SLC38A6: variants seen among roughly 807,000 people sequenced by gnomAD.
SLC38A6 encodes solute carrier family 38 member 6.
In SLC38A6, 73 loss-of-function variants were observed where a neutral mutation model predicts 65.0. The observed-to-expected ratio is 1.12, with a 90% CI of 0.93 to 1.37. SLC38A6 has a LOEUF of 1.37. Ranked by LOEUF, SLC38A6 falls within the 40% of genes most tolerant of loss-of-function variation. SLC38A6 has a pLI of 0.00. For missense variants in SLC38A6, 561 were observed against 531.1 expected (o/e 1.06, Z -0.55); for synonymous variants, 183 against 178.8 (o/e 1.02, Z -0.19).
At position 60,984,816 on chromosome 14, in the gene SLC38A6, G is replaced by T. The variant is rs1157395636; in HGVS notation, c.310+13G>T. The T allele has an allele frequency of 6.2e-7, 1 of 1,611,634 alleles. No individual in the cohort carries two copies. Among genetic ancestry groups the T allele is most frequent in the Non-Finnish European group, 8.5e-7 (1 of 1,178,076 alleles). Reference sequence around the variant, plus strand: ...TGTATTCAGACAGGTGAGTAAAAATGTTATGCTGCTTCATTTAATAAAGGA... The same window carrying T: ...TGTATTCAGACAGGTGAGTAAAAATTTTATGCTGCTTCATTTAATAAAGGA... On this transcript the variant is annotated intron_variant, in intron 3 of 15. Coordinates refer to ENST00000267488, the MANE Select transcript of SLC38A6 (RefSeq NM_153811.3).
At chr14:60,994,405 C>T (rs1205724720) in intron 3 of SLC38A6, among the ~76,000 whole-genome samples, 2 of 151,714 alleles carry the variant, frequency 1.3e-5, no homozygotes, top group Middle Eastern at 3.2e-3. Context: ...ATTACCTGGG[C>T]GTGGTGCTGC....
rs556673755 is a variant in SLC38A6, at chr14:61,024,181, C to A, written c.403+4601C>A. ...GTCACAAGGCTCTAGTGTGGTCTGA[C>A]AAATTGATTGAAAAAATCTACTGTC... On this transcript the variant is annotated intron_variant, in intron 5 of 15. Coordinates refer to ENST00000267488, the MANE Select transcript of SLC38A6 (RefSeq NM_153811.3). Among the ~76,000 whole-genome samples, 7 of 152,134 alleles carry A rather than the reference C, an allele frequency of 4.6e-5. No homozygotes were observed. In the South Asian group the frequency reaches 1.2e-3, roughly 27 times the overall value.
intron 3 of SLC38A6, chr14:61,001,963 T>C: frequency 6.6e-6 from 1 of 152,224 alleles, no homozygotes; most frequent in East Asian, 1.9e-4. Context: ...GCTGTACCTT[T>C]ACATTGTCAG....
intron 15 of SLC38A6, among the ~76,000 whole-genome samples, chr14:61,070,216 TG>T (rs1326479323): frequency 6.6e-6 from 1 of 152,234 alleles, no homozygotes; most frequent in Non-Finnish European, 1.5e-5. Flanking sequence ...CCTATTTCCC[TG>T]TTCCTGCAGT....
intron 5 of SLC38A6, among the ~76,000 whole-genome samples, chr14:61,028,232 A>C (rs1296674990): frequency 6.6e-6 from 1 of 152,178 alleles, no homozygotes; most frequent in East Asian, 1.9e-4. Context: ...AATTACTGAA[A>C]GAGATGAATG....
chr14:61,064,199 C>G lies in SLC38A6; in HGVS notation c.1290+12064C>G, dbSNP rs564952233. 8.5e-5 allele frequency among the ~76,000 whole-genome samples: 13 copies of G among 152,322 alleles called. 1 individual carries two copies. The East Asian group carries it at 2.5e-3, about 29-fold the overall frequency. ...AGAATGGTCCCAGGCCACAGCCAGA[C>G]ATGGCCTCCCATGTGGCTTCAGGTC... On this transcript the variant is annotated intron_variant, in intron 15 of 16. Coordinates refer to the SLC38A6 transcript ENST00000354886.
chr14:60,981,583 C>G, intron 1 of SLC38A6: 1 of 1,516,596 alleles, frequency 6.6e-7, no homozygotes, highest in Non-Finnish European at 8.8e-7. Flanking sequence ...GCCTAGCATA[C>G]TCTAGAAAGA....
intron 3 of SLC38A6, among the ~76,000 whole-genome samples, chr14:60,992,845 T>A (rs896175309): frequency 6.8e-6 from 1 of 147,660 alleles, no homozygotes; most frequent in Non-Finnish European, 1.5e-5. Context: ...AGTTCCTGCC[T>A]CCAAACTTTT....
chr14:61,020,275 T>C (rs2040276263), intron 5 of SLC38A6, among the ~76,000 whole-genome samples: 1 of 152,122 alleles, frequency 6.6e-6, no homozygotes, highest in Non-Finnish European at 1.5e-5. Context: ...TCGTTTTCTT[T>C]TATCATTGAC....
At chr14:61,054,757 A>G (rs1210250177), downstream of SLC38A6, among the ~76,000 whole-genome samples, 2 of 152,054 alleles carry the variant, frequency 1.3e-5, no homozygotes, top group Non-Finnish European at 2.9e-5. Context: ...CAGCTCAAGG[A>G]GCTTTTGGGT....
At chr14:61,068,091 A>T (rs866780601) in intron 15 of SLC38A6, among the ~76,000 whole-genome samples, 4 of 152,126 alleles carry the variant, frequency 2.6e-5, no homozygotes, top group Middle Eastern at 3.2e-3. Flanking sequence ...CCCCCAAATC[A>T]GTGGGTACAG....
intron 3 of SLC38A6, among the ~76,000 whole-genome samples, chr14:60,999,077 A>C (rs1028231738): frequency 3.3e-5 from 5 of 152,250 alleles, no homozygotes; most frequent in South Asian, 2.1e-4. Context: ...TTAGTAGTAC[A>C]TAAAGTACAA....
chr14:61,044,938 A>G (rs865999989), intron 10 of SLC38A6, among the ~76,000 whole-genome samples: 1 of 152,202 alleles, frequency 6.6e-6, no homozygotes, highest in Admixed American at 6.5e-5. Context: ...TGCTTAGAGT[A>G]ATAAGATACA....
At chr14:61,036,305 A>T (rs72723932) in intron 6 of SLC38A6, among the ~76,000 whole-genome samples, 3 of 152,154 alleles carry the variant, frequency 2.0e-5, no homozygotes, top group South Asian at 4.2e-4. Context: ...AAATGTTTTC[A>T]GTAAACATCT....
chr14:61,016,877 C>T (rs559553145), intron 4 of SLC38A6, among the ~76,000 whole-genome samples: 101 of 152,194 alleles, frequency 6.6e-4, no homozygotes, highest in South Asian at 5.8e-3. Context: ...TTAATATTTG[C>T]ATTACTTCAC....
At chr14:61,023,245 T>A (rs1471536342) in intron 5 of SLC38A6, among the ~76,000 whole-genome samples, 2 of 151,872 alleles carry the variant, frequency 1.3e-5, no homozygotes, top group African/African-American at 4.8e-5. Flanking sequence ...CTGGGGAGAG[T>A]TAGATCTCAT....
At position 61,050,652 on chromosome 14, in the gene SLC38A6, G is replaced by C; in HGVS notation, c.1050+16G>C. 6.6e-7 allele frequency: 1 copy of C among 1,526,146 alleles called. No homozygotes were observed. Among genetic ancestry groups the C allele is most frequent in the Non-Finnish European group, 8.9e-7 (1 of 1,126,856 alleles). 94.5% of individuals were successfully genotyped at this position (1,526,146 alleles called of 1,614,324 possible). A position where few individuals can be genotyped will look rare whatever the true frequency, so the allele number is the denominator to read the frequency against. ...CCACTTCCCTGTAAGTACTCTTAAA[G>C]GGTTTTGTTGCCTAGTATAGACGCT... On this transcript the variant is annotated intron_variant, in intron 13 of 15. Transcript: ENST00000267488.
intron 8 of SLC38A6, 49 bp downstream of exon 8, chr14:61,037,732 T>C (rs751504598): frequency 1.6e-6 from 2 of 1,247,782 alleles, no homozygotes; most frequent in Non-Finnish European, 2.3e-6. Context: ...AAAATTGGAC[T>C]CATTGTGTTA....
chr14:61,057,994 A>G (rs1480288620), intron 15 of SLC38A6, among the ~76,000 whole-genome samples: 1 of 136,446 alleles, frequency 7.3e-6, no homozygotes, highest in Non-Finnish European at 1.6e-5. Flanking sequence ...TATTGTGTCT[A>G]TTTGATTCTT....
Sources: allele counts gnomAD v4.1 joint callset (sites outside exome capture counted in the v4.1 genomes callset), GRCh38; gene constraint gnomAD v4.1.1; transcripts MANE v1.5; gene names NCBI Gene and HGNC (gene_info 2026-07-23, HGNC 2026-07-21).